MYO18B: variants seen among roughly 807,000 people sequenced by gnomAD.
MYO18B encodes myosin XVIIIB, also known as unconventional myosin-XVIIIb.
A neutral mutation model predicts 273.0 loss-of-function variants in MYO18B; 204 were observed. The observed-to-expected ratio is 0.75, with a 90% confidence interval of 0.67 to 0.84. The LOEUF (loss-of-function observed/expected upper bound fraction) is 0.84. MYO18B is among the 40% of genes least tolerant of loss of function. The pLI, the probability that MYO18B is intolerant of heterozygous loss-of-function variation, is 0.00. For synonymous variants in MYO18B, 1,330 were observed against 1,305.7 expected (o/e 1.02, Z -0.40); for missense variants, 3,212 against 3,287.6 (o/e 0.98, Z 0.56).
intron 34 of MYO18B, among the ~76,000 whole-genome samples, chr22:25,928,004 T>C (rs1171380333): frequency 6.6e-6 from 1 of 152,144 alleles, no homozygotes; most frequent in Non-Finnish European, 1.5e-5. Context: ...ATAAGGTACA[T>C]GTATGTAGAC....
At chr22:25,860,863 G>T (rs779306557) in intron 21 of MYO18B, among the ~76,000 whole-genome samples, 1 of 151,462 alleles carries the variant, frequency 6.6e-6, no homozygotes, top group Non-Finnish European at 1.5e-5. Context: ...TGATAGTATT[G>T]TTCAAGTCTT....
At chr22:25,957,786 T>C (rs1319173200) in intron 39 of MYO18B, among the ~76,000 whole-genome samples, 1 of 152,180 alleles carries the variant, frequency 6.6e-6, no homozygotes, top group Non-Finnish European at 1.5e-5. Flanking sequence ...TCTGTGTATG[T>C]GTGTCCCAAA....
intron 36 of MYO18B, among the ~76,000 whole-genome samples, chr22:25,948,523 T>TTCCTTCCTTCCTTCCTTCCTTC (rs1569225706): frequency 0.016 from 141 of 8,862 alleles, 3 homozygotes; most frequent in Non-Finnish European, 0.025. Flanking sequence ...TTTCCTTCTT[T>TTCCTTCCTTCCTTCCTTCCTTC]CTTTCTTCCT....
Position 25,992,283 on chromosome 22 carries a change from G to A in MYO18B, c.6157-80G>A, listed in dbSNP as rs142981195. On this transcript the variant is annotated intron_variant, in intron 39 of 43. Transcript: ENST00000335473. ...CAGTGAACACTAGGCTCAGCCTGGG[G>A]CGTGTCTCTTCCCCAGTGCATGCAT... 1.6e-3 allele frequency: 2,468 copies of A among 1,562,340 alleles called. 35 individuals carry two copies. The African/African-American group carries it at 0.028, about 18-fold the overall frequency.
chr22:25,910,211 A>G (rs564396807), intron 32 of MYO18B, among the ~76,000 whole-genome samples: 111 of 152,346 alleles, frequency 7.3e-4, no homozygotes, highest in Non-Finnish European at 1.4e-3. Flanking sequence ...ACATTTATTT[A>G]TCACAGTTCT....
the MYO18B span, among the ~76,000 whole-genome samples, chr22:26,057,956 A>G: frequency 6.6e-6 from 1 of 152,140 alleles, no homozygotes; most frequent in East Asian, 1.9e-4. Flanking sequence ...GACATTACTA[A>G]TCAATCATGG....
intron 3 of MYO18B, among the ~76,000 whole-genome samples, chr22:25,764,986 AG>A (rs2086454430): frequency 6.6e-6 from 1 of 152,182 alleles, no homozygotes; most frequent in South Asian, 2.1e-4. Context: ...TGCCTGGAAA[AG>A]GACCAGTCTG....
intron 16 of MYO18B, among the ~76,000 whole-genome samples, chr22:25,833,921 G>C (rs568095136): frequency 1.2e-4 from 18 of 152,254 alleles, no homozygotes; most frequent in South Asian, 8.3e-4. Flanking sequence ...ACAGTGGGCT[G>C]TACCCATCAT....
chr22:25,944,637 C>T (rs2092683391), intron 34 of MYO18B, among the ~76,000 whole-genome samples: 1 of 152,076 alleles, frequency 6.6e-6, no homozygotes, highest in African/African-American at 2.4e-5. Context: ...ATCACAAGGT[C>T]AGGAGTTCAA....
At chr22:25,831,271 G>A (rs1427540510) in intron 15 of MYO18B, among the ~76,000 whole-genome samples, 1 of 152,186 alleles carries the variant, frequency 6.6e-6, no homozygotes, top group African/African-American at 2.4e-5. Flanking sequence ...AGATCTGATT[G>A]TATTCCCTCT....
chr22:25,759,867 T>C (rs947996640), intron 1 of MYO18B, among the ~76,000 whole-genome samples: 4 of 152,202 alleles, frequency 2.6e-5, no homozygotes, highest in Non-Finnish European at 5.9e-5. Context: ...GTCTGCTCTT[T>C]CAATGCTACA....
intron 26 of MYO18B, 135 bp downstream of exon 26, chr22:25,891,010 C>A: frequency 7.6e-7 from 1 of 1,312,962 alleles, no homozygotes; most frequent in Non-Finnish European, 1.0e-6. Flanking sequence ...GGCTCAAGGT[C>A]CTGGGGGACA....
chr22:25,984,517 C>A (rs539782925), intron 39 of MYO18B, among the ~76,000 whole-genome samples: 1 of 152,104 alleles, frequency 6.6e-6, no homozygotes, highest in Non-Finnish European at 1.5e-5. Context: ...AGGCTGGGTA[C>A]GGTGGCTCAT....
At chr22:25,889,039 C>A (rs1438966499) in intron 25 of MYO18B, among the ~76,000 whole-genome samples, 1 of 151,002 alleles carries the variant, frequency 6.6e-6, no homozygotes, top group Non-Finnish European at 1.5e-5. Context: ...TGAGCCCATC[C>A]TTCCAGGAAA....
At chr22:25,891,154 G>A (rs888213296) in intron 26 of MYO18B, 150 bp from the exon 27 acceptor site, 4 of 710,442 alleles carry the variant, frequency 5.6e-6, no homozygotes, top group Admixed American at 2.9e-5. Flanking sequence ...GAAATATGCC[G>A]AAGGTGGCTA....
At chr22:25,816,467 G>C (rs1418079143) in intron 12 of MYO18B, among the ~76,000 whole-genome samples, 2 of 152,016 alleles carry the variant, frequency 1.3e-5, no homozygotes, top group East Asian at 3.9e-4. Flanking sequence ...TTTACATTAG[G>C]TTTCTCCTAC....
chr22:25,948,439 C>CTTTCTTTCTTTCT (rs1569224982), intron 36 of MYO18B, among the ~76,000 whole-genome samples: 7 of 106,284 alleles, frequency 6.6e-5, no homozygotes, highest in Admixed American at 2.7e-4. Flanking sequence ...TCCTTCCTTC[C>CTTTCTTTCTTTCT]TTCCTTCCTT....
chr22:25,825,791 A>G (rs1035453887), intron 13 of MYO18B, among the ~76,000 whole-genome samples: 5 of 152,320 alleles, frequency 3.3e-5, no homozygotes, highest in African/African-American at 1.2e-4. Flanking sequence ...GTCCCCAGAA[A>G]GCTTTATTTC....
At chr22:25,829,511 T>C (rs2089625928) in intron 15 of MYO18B, among the ~76,000 whole-genome samples, 1 of 134,888 alleles carries the variant, frequency 7.4e-6, no homozygotes, top group African/African-American at 2.6e-5. Flanking sequence ...CTGCCAGCCC[T>C]TCTTTTTTCA....
Sources: allele counts gnomAD v4.1 joint callset (sites outside exome capture counted in the v4.1 genomes callset), GRCh38; gene constraint gnomAD v4.1.1; transcripts MANE v1.5; gene names NCBI Gene and HGNC (gene_info 2026-07-23, HGNC 2026-07-21).